Variants in IDE observed in about 807,000 individuals in gnomAD.
The protein encoded by IDE is insulin degrading enzyme, also known as insulin-degrading enzyme.
In IDE, 58 loss-of-function variants were observed where a neutral mutation model predicts 133.2. The ratio of observed to expected loss-of-function variants is 0.44; its 90% CI spans 0.35 to 0.54. IDE has a LOEUF of 0.54. Among genes scored for constraint, IDE ranks in the 20% least tolerant of loss-of-function variants. The pLI is 0.00. For missense variants in IDE, 981 were observed against 1,234.0 expected (o/e 0.79, Z 3.07); for synonymous variants, 396 against 421.3 (o/e 0.94, Z 0.73).
chr10:92,556,230 G>A (rs149009883), intron 1 of IDE, among the ~76,000 whole-genome samples: 107 of 149,934 alleles, frequency 7.1e-4, no homozygotes, highest in African/African-American at 2.5e-3. Flanking sequence ...AGCTCCATTT[G>A]CAGAAGACAT....
At chr10:92,476,179 T>A (rs1322710600) in intron 15 of IDE, among the ~76,000 whole-genome samples, 185 bp from the exon 16 acceptor site, 3 of 151,746 alleles carry the variant, frequency 2.0e-5, no homozygotes, top group African/African-American at 7.3e-5. Flanking sequence ...AACCATCTTT[T>A]TTTTTTTTTT....
Position 92,491,672 on chromosome 10 carries a change from G to A in IDE, c.1431-1077C>T, listed in dbSNP as rs373478786. 1.1e-4 allele frequency among the ~76,000 whole-genome samples: 16 copies of A among 150,148 alleles called. No individual in the cohort carries two copies. The East Asian group carries it at 1.4e-3, about 13-fold the overall frequency. On this transcript the variant is annotated intron_variant, in intron 11 of 24. Transcript: ENST00000265986. ...GCCACCCAGGCTGGAGTGCAATGGT[G>A]CGATCTTGGCTCACTGCAACCTCTG...
chr10:92,489,443 G>A (rs150915172), intron 12 of IDE, among the ~76,000 whole-genome samples: 5 of 152,056 alleles, frequency 3.3e-5, no homozygotes, highest in South Asian at 2.1e-4. Context: ...CCAGCTACTC[G>A]GGAGGCTGAG....
At chr10:92,573,814 G>A in intron 1 of IDE, 108 bp downstream of exon 1, 1 of 759,012 alleles carries the variant, frequency 1.3e-6, no homozygotes, top group Non-Finnish European at 1.9e-6. Flanking sequence ...CGGGCGGCGT[G>A]AGGGGCAGCG....
At chr10:92,522,488 C>A (rs760950547) in intron 4 of IDE, among the ~76,000 whole-genome samples, 1 of 152,144 alleles carries the variant, frequency 6.6e-6, no homozygotes, top group Non-Finnish European at 1.5e-5. Context: ...GTACTCCCTG[C>A]AAGACTAAAA....
chr10:92,543,741 A>T (rs1842413046), intron 1 of IDE, among the ~76,000 whole-genome samples: 1 of 152,254 alleles, frequency 6.6e-6, no homozygotes, highest in African/African-American at 2.4e-5. Flanking sequence ...ATGCCTATCA[A>T]TGGTTGTTCA....
At chr10:92,521,387 T>C (rs11812558) in intron 4 of IDE, among the ~76,000 whole-genome samples, 16,973 of 151,654 alleles carry the variant, frequency 0.11, 1,207 homozygotes, top group African/African-American at 0.19. Context: ...ACTACATTGT[T>C]AGGGGTGCAG....
intron 11 of IDE, among the ~76,000 whole-genome samples, chr10:92,492,602 T>TTCCCAATTCAAATAATTAGG (rs1331052579): frequency 3.9e-5 from 6 of 152,228 alleles, no homozygotes; most frequent in African/African-American, 1.2e-4. Flanking sequence ...TAAGTCCCAA[T>TTCCCAATTCAAATAATTAGG]TCCCAATTCA....
intron 24 of IDE, 42 bp downstream of exon 24, chr10:92,455,534 G>C: frequency 8.4e-7 from 1 of 1,189,268 alleles, no homozygotes; most frequent in Non-Finnish European, 1.2e-6. Flanking sequence ...TAAATAGAAA[G>C]TCCTCTGTCA....
chr10:92,474,900 AGGTAGTACAT>A lies in IDE; in HGVS notation c.2047_2056del (p.Met683SerfsTer4). On this transcript the variant is annotated frameshift_variant, in exon 17 of 25. Transcript: ENST00000265986. LOFTEE classifies it high-confidence loss of function. ...GGCCACTTCAGTCATCAGCAAGCGG[AGGTAGTACAT>A]GGCATGCTGGTGAGGCTGTTCAGCC... 6.2e-7 allele frequency: 1 copy of A among 1,613,324 alleles called. No homozygotes were observed. The highest frequency in any genetic ancestry group is 1.3e-5 in the African/African-American group (1 of 75,034).
At chr10:92,534,463 ACT>A in intron 3 of IDE, 113 bp downstream of exon 3, 1 of 687,166 alleles carries the variant, frequency 1.5e-6, no homozygotes, top group Non-Finnish European at 2.4e-6. Flanking sequence ...AGGGAAAAAC[ACT>A]GTTTAAAATA....
At chr10:92,487,092 C>G in intron 13 of IDE, 104 bp downstream of exon 13, 1 of 1,066,892 alleles carries the variant, frequency 9.4e-7, no homozygotes, top group Non-Finnish European at 1.3e-6. Context: ...AGGATGTGAG[C>G]CTCCCCAAAT....
intron 4 of IDE, among the ~76,000 whole-genome samples, chr10:92,516,436 T>A (rs531403608): frequency 6.6e-6 from 1 of 152,162 alleles, no homozygotes; most frequent in African/African-American, 2.4e-5. Flanking sequence ...AGAGGTTGCA[T>A]TGAGCCAAGA....
intron 11 of IDE, among the ~76,000 whole-genome samples, chr10:92,492,312 T>C (rs1442512363): frequency 6.7e-6 from 1 of 150,322 alleles, no homozygotes; most frequent in African/African-American, 2.4e-5. Flanking sequence ...AGAAGTAAAG[T>C]GATGTCAAAA....
intron 1 of IDE, among the ~76,000 whole-genome samples, chr10:92,565,047 A>G (rs529472995): frequency 3.3e-5 from 5 of 152,062 alleles, no homozygotes; most frequent in South Asian, 2.1e-4. Context: ...GGAGTTTGAG[A>G]CCAGCCTGGC....
At chr10:92,466,005 T>C (rs763281346) in intron 19 of IDE, among the ~76,000 whole-genome samples, 162 bp from the exon 20 acceptor site, 2 of 152,104 alleles carry the variant, frequency 1.3e-5, no homozygotes, top group Non-Finnish European at 2.9e-5. Flanking sequence ...ACTTTTCTGA[T>C]CATGTCCAAC....
chr10:92,557,531 A>G (rs911498513), intron 1 of IDE, among the ~76,000 whole-genome samples: 2 of 151,966 alleles, frequency 1.3e-5, no homozygotes, highest in Non-Finnish European at 1.5e-5. Context: ...CTCCATCTCA[A>G]AAAAAACCAT....
Position 92,546,465 on chromosome 10 carries a change from C to T in IDE, c.99-8915G>A, listed in dbSNP as rs147301265. ...AATTACTGATATTACAAATATCAAC[C>T]GCCAAAAATCATCCTGGAAATAGTA... On this transcript the variant is annotated intron_variant, in intron 1 of 24. Transcript: ENST00000265986. Among the ~76,000 whole-genome samples the T allele has an allele frequency of 4.3e-3, 656 of 152,106 alleles. 9 individuals carry two copies. Among genetic ancestry groups the T allele is most frequent in the African/African-American group, 0.015 (616 of 41,488 alleles).
chr10:92,571,382 T>C (rs4304670), intron 1 of IDE, among the ~76,000 whole-genome samples: 54,092 of 152,022 alleles, frequency 0.36, 9,837 homozygotes, highest in Admixed American at 0.43. Flanking sequence ...GGTACCCTGT[T>C]CTTTTACACT....
Sources: allele counts gnomAD v4.1 joint callset (sites outside exome capture counted in the v4.1 genomes callset), GRCh38; gene constraint gnomAD v4.1.1; transcripts MANE v1.5; gene names NCBI Gene and HGNC (gene_info 2026-07-23, HGNC 2026-07-21).